Variants in ACAD8 observed in about 807,000 individuals in gnomAD.
ACAD8 encodes isobutyryl-CoA dehydrogenase, mitochondrial.
Under a neutral mutation model 53.1 loss-of-function variants are expected in ACAD8, and 47 were observed. The observed-to-expected ratio is 0.89, with a 90% CI of 0.70 to 1.13. The LOEUF (loss-of-function observed/expected upper bound fraction) is 1.13, where lower values mean the gene tolerates loss of function less well. Ranked by LOEUF, ACAD8 falls within the 50% of genes most tolerant of loss-of-function variation. The pLI, the probability that ACAD8 is intolerant of heterozygous loss-of-function variation, is 0.00. For missense variants in ACAD8, 494 were observed against 535.0 expected, an observed-to-expected ratio of 0.92 and a Z score of 0.76; for synonymous variants, 198 against 201.3, an observed-to-expected ratio of 0.98 and a Z score of 0.14.
intron 3 of ACAD8, chr11:134,257,662 A>C: frequency 3.5e-6 from 1 of 285,696 alleles, no homozygotes. Flanking sequence ...ACAGAGCGAG[A>C]CTCCATCTCA....
At position 134,256,601 on chromosome 11, in the gene ACAD8, T is replaced by A; in HGVS notation, c.163T>A (p.Phe55Ile). ...QKEFQKVAFD[F>I]AAREMAPNMA... ...AGAATTTCAAAAAGTGGCCTTTGAC[T>A]TTGCTGCCCGAGAGATGGCTCCAAA... Residue 55 changes from phenylalanine (F) to isoleucine (I), a missense_variant, in exon 2 of 11, where the codon TTT (phenylalanine) becomes ATT (isoleucine). By Grantham distance (21) the Phe-to-Ile change is conservative. Transcript: ENST00000281182. 1 of 1,614,214 alleles carries A rather than the reference T, an allele frequency of 6.2e-7. No individual in the cohort carries two copies. The highest frequency in any genetic ancestry group is 8.5e-7 in the Non-Finnish European group (1 of 1,180,040).
intron 1 of ACAD8, among the ~76,000 whole-genome samples, chr11:134,254,006 T>C (rs1252441019): frequency 1.5e-5 from 2 of 134,284 alleles, no homozygotes; most frequent in Non-Finnish European, 3.3e-5. Context: ...GCCCCGGTCC[T>C]CCTCCGGCCG....
intron 1 of ACAD8, among the ~76,000 whole-genome samples, chr11:134,255,474 A>G (rs1939472776): frequency 6.6e-6 from 1 of 152,212 alleles, no homozygotes; most frequent in Admixed American, 6.5e-5. Flanking sequence ...ACTGCTACCT[A>G]GTAAACACCC....
At chr11:134,258,699 T>C (rs1939698104) in intron 4 of ACAD8, 75 bp downstream of exon 4, 1 of 1,097,928 alleles carries the variant, frequency 9.1e-7, no homozygotes, top group Admixed American at 1.9e-5. Context: ...CGAGCACTCC[T>C]TCCAGCCTCT....
intron 1 of ACAD8, 74 bp from the exon 2 acceptor site, chr11:134,256,474 G>A: frequency 8.4e-7 from 1 of 1,191,732 alleles, no homozygotes; most frequent in South Asian, 1.2e-5. Context: ...CAACTTCGTG[G>A]TGCTTCTTGT....
At chr11:134,259,976 G>T in intron 6 of ACAD8, 2 of 1,380,298 alleles carry the variant, frequency 1.4e-6, no homozygotes, top group Non-Finnish European at 1.9e-6. Flanking sequence ...CAAGCCACCT[G>T]TGAGTGTTCT....
intron 1 of ACAD8, among the ~76,000 whole-genome samples, chr11:134,255,334 C>T (rs973741068): frequency 6.6e-6 from 1 of 152,142 alleles, no homozygotes; most frequent in African/African-American, 2.4e-5. Context: ...CGGGGTTTCA[C>T]CATGTTGGAC....
Position 134,261,113 on chromosome 11 carries a change from A to G in ACAD8, c.775A>G (p.Ile259Val), listed in dbSNP as rs765982422. Reference protein sequence around the residue: ...EDCAVPVANRIGSEGQGFLIA... With the variant: ...EDCAVPVANRVGSEGQGFLIA... ...CTGTGCTGTCCCTGTGGCCAACAGA[A>G]TTGGGAGCGAGGGGCAGGGCTTCCT... Residue 259 changes from isoleucine to valine, a missense_variant, in exon 7 of 11, where the codon ATT becomes GTT. Coordinates refer to ENST00000281182, the MANE Select transcript of ACAD8 (RefSeq NM_014384.3). This position sits in a 1 kb window ranked among gnomAD's most constrained non-coding sequence, Gnocchi z 4.2. The G allele has an allele frequency of 6.2e-7, 1 of 1,611,928 alleles. No homozygotes were observed. Among genetic ancestry groups the G allele is most frequent in the South Asian group, 1.1e-5 (1 of 90,446 alleles).
Position 134,261,857 on chromosome 11 carries a change from G to T in ACAD8, c.1059G>T (p.Met353Ile). The T allele has an allele frequency of 6.2e-7, 1 of 1,614,156 alleles. No homozygotes were observed. Among genetic ancestry groups the T allele is most frequent in the South Asian group, 1.1e-5 (1 of 91,078 alleles). Residue 353 changes from methionine to isoleucine, a missense_variant, in exon 9 of 11, where the codon ATG becomes ATT. Transcript: ENST00000281182. The surrounding 1 kb of genome is among the most constrained non-coding windows in gnomAD (Gnocchi z 4.2). ...AGGATGCAGTGGCCTTGTGCTCCATGGCCAAGCTCTTTGCTACAGATGAAT... is the reference window on the plus strand; with the variant it reads ...AGGATGCAGTGGCCTTGTGCTCCATTGCCAAGCTCTTTGCTACAGATGAAT... ...ERKDAVALCS[M>I]AKLFATDECF...
intron 9 of ACAD8, chr11:134,262,185 T>C (rs779517005): frequency 4.6e-6 from 3 of 653,000 alleles, no homozygotes; most frequent in Non-Finnish European, 8.5e-6. Flanking sequence ...CACTCTGCCA[T>C]GTTTACATTG....
chr11:134,261,712 C>A lies in ACAD8; in HGVS notation c.940-26C>A. ...GCTGGTCTAAGCCCCTCAGTCTTGTCTGGTTCTCTGCTCCCTGTGCTGCAG... is the reference window on the plus strand; with the variant it reads ...GCTGGTCTAAGCCCCTCAGTCTTGTATGGTTCTCTGCTCCCTGTGCTGCAG... On this transcript the variant is annotated intron_variant, in intron 8 of 10. Coordinates refer to ENST00000281182, the MANE Select transcript of ACAD8 (RefSeq NM_014384.3). The surrounding 1 kb of genome is among the most constrained non-coding windows in gnomAD (Gnocchi z 4.2). The A allele has an allele frequency of 6.2e-7, 1 of 1,612,350 alleles. No individual in the cohort carries two copies. The highest frequency in any genetic ancestry group is 8.5e-7 in the Non-Finnish European group (1 of 1,179,994).
Position 134,259,191 on chromosome 11 carries a change from A to G in ACAD8, c.567+107A>G, listed in dbSNP as rs559347367. The stretch of plus-strand genomic sequence containing the variant: ...GGGTTAATACTCCCATAGGATTTTT[A>G]TGTGTTGGGAAGAGAACCTCTGACC... On this transcript the variant is annotated intron_variant, in intron 5 of 10. Transcript: ENST00000281182. 2.2e-4 allele frequency: 212 copies of G among 982,126 alleles called. 3 individuals are homozygous for G. In the South Asian group the frequency reaches 2.7e-3, roughly 13 times the overall value. 60.8% of individuals were successfully genotyped at this position (982,126 alleles called of 1,614,324 possible). A position where few individuals can be genotyped will look rare whatever the true frequency, so the allele number is the denominator to read the frequency against.
In ACAD8 at chr11:134,264,907, G is replaced by A. The variant is rs1001433080; in HGVS notation, c.1196-1G>A. ...TTCTTCCTCCTTCCTCCCTCTTACA[G>A]GTAGCAATGAAGTGATGAGGATACT... On this transcript the variant is annotated splice_acceptor_variant, in intron 10 of 10. Coordinates refer to ENST00000281182, the MANE Select transcript of ACAD8 (RefSeq NM_014384.3). LOFTEE classifies it high-confidence loss of function. 6.2e-7 allele frequency: 1 copy of A among 1,614,058 alleles called. No individual in the cohort carries two copies. The highest frequency in any genetic ancestry group is 1.3e-5 in the African/African-American group (1 of 75,044).
chr11:134,261,658 G>T lies in ACAD8; in HGVS notation c.940-80G>T. Reference sequence around the variant, plus strand: ...GATCACTTAGAAAAGGCGCCTCCGAGATGTCTTACCGAGGCTCCTGCACCA... The same window carrying T: ...GATCACTTAGAAAAGGCGCCTCCGATATGTCTTACCGAGGCTCCTGCACCA... On this transcript the variant is annotated intron_variant, in intron 8 of 10. Transcript: ENST00000281182. This position sits in a 1 kb window ranked among gnomAD's most constrained non-coding sequence, Gnocchi z 4.2. 1 of 1,603,360 alleles carries T rather than the reference G, an allele frequency of 6.2e-7. No homozygotes were observed. Among genetic ancestry groups the T allele is most frequent in the Non-Finnish European group, 8.5e-7 (1 of 1,179,070 alleles).
chr11:134,258,649 A>G, intron 4 of ACAD8, 25 bp downstream of exon 4: 5 of 1,534,438 alleles, frequency 3.3e-6, no homozygotes, highest in Non-Finnish European at 3.6e-6. Context: ...CTGCACTGAG[A>G]TATAGCAGGG....
chr11:134,258,915 GAGA>G lies in ACAD8; in HGVS notation c.491-89_491-87del, dbSNP rs1369784278. The G allele has an allele frequency of 7.0e-6, 8 of 1,135,690 alleles. No homozygotes were observed. In the East Asian group the frequency reaches 1.4e-4, roughly 20 times the overall value. The allele number at this position is 1,135,690 out of a possible 1,614,324, so 70.4% of individuals were successfully genotyped here. A position where few individuals can be genotyped will look rare whatever the true frequency, so the allele number is the denominator to read the frequency against. On this transcript the variant is annotated intron_variant, in intron 4 of 10. Coordinates refer to ENST00000281182, the MANE Select transcript of ACAD8 (RefSeq NM_014384.3). ...ACACACTCTGAGCAGGGTCTGTTTAGAGAAGATTTCCTAGAAGATAGAATTGTG... is the reference window on the plus strand; with the variant it reads ...ACACACTCTGAGCAGGGTCTGTTTAGAGATTTCCTAGAAGATAGAATTGTG...
intron 3 of ACAD8, 137 bp downstream of exon 3, chr11:134,257,394 C>T: frequency 4.4e-6 from 5 of 1,142,730 alleles, no homozygotes; most frequent in Non-Finnish European, 6.3e-6. Context: ...ACTCTAGGGG[C>T]CGGGCGCAGT....
intron 3 of ACAD8, 149 bp from the exon 4 acceptor site, chr11:134,258,366 A>G (rs1356839316): frequency 1.4e-6 from 1 of 693,350 alleles, no homozygotes; most frequent in Non-Finnish European, 2.6e-6. Context: ...TTGCCTTTAA[A>G]GAGTCTTCCC....
Position 134,261,433 on chromosome 11 carries a change from G to A in ACAD8, c.939+61G>A, listed in dbSNP as rs1939876309. 6.3e-7 allele frequency: 1 copy of A among 1,583,148 alleles called. No homozygotes were observed. The highest frequency in any genetic ancestry group is 1.3e-5 in the African/African-American group (1 of 74,148). Reference sequence around the variant, plus strand: ...ATTTGCAGCCCGGGACCTGCTCTAGGGCCCACATTTCCAGGAGAGAAGCCA... The same window carrying A: ...ATTTGCAGCCCGGGACCTGCTCTAGAGCCCACATTTCCAGGAGAGAAGCCA... On this transcript the variant is annotated intron_variant, in intron 8 of 10. Coordinates refer to ENST00000281182, the MANE Select transcript of ACAD8 (RefSeq NM_014384.3). This position sits in a 1 kb window ranked among gnomAD's most constrained non-coding sequence, Gnocchi z 4.2.
Sources: gnomAD v4.1 joint callset for allele counts (sites outside exome capture counted in the v4.1 genomes callset) on GRCh38, gnomAD v4.1.1 for gene constraint, Gnocchi (gnomAD v3.1) non-coding constraint, MANE v1.5 for transcripts, NCBI Gene and HGNC (gene_info 2026-07-23, HGNC 2026-07-21) for gene names.